KRT23: variants seen among roughly 807,000 people sequenced by gnomAD.
The protein encoded by KRT23 is keratin 23.
Under a neutral mutation model 47.6 loss-of-function variants are expected in KRT23, and 38 were observed. That is an observed-to-expected ratio of 0.80 (90% CI 0.62 to 1.05). KRT23 has a LOEUF of 1.05. Among genes scored for constraint, KRT23 ranks in the 50% least tolerant of loss-of-function variants. The probability of loss-of-function intolerance (pLI) is 0.00; values close to 1 mark genes in which losing one functional copy is unlikely to be tolerated. For missense variants in KRT23, 503 were observed against 529.5 expected (o/e 0.95, Z 0.49); for synonymous variants, 191 against 199.0 (o/e 0.96, Z 0.34).
intron 3 of KRT23, among the ~76,000 whole-genome samples, chr17:40,930,348 C>T (rs1389620359): frequency 6.6e-6 from 1 of 152,058 alleles, no homozygotes; most frequent in African/African-American, 2.4e-5. Flanking sequence ...TATTTAGCAA[C>T]CATGAATGTT....
chr17:40,929,508 G>C (rs1205400552), intron 4 of KRT23, among the ~76,000 whole-genome samples: 1 of 152,190 alleles, frequency 6.6e-6, no homozygotes, highest in Non-Finnish European at 1.5e-5. Context: ...CTAAAAGTCA[G>C]TTAAATGCTT....
At position 40,923,094 on chromosome 17, in the gene KRT23, G is replaced by C. The variant is rs1909027262; in HGVS notation, c.1175-11C>G. 3.2e-6 allele frequency: 5 copies of C among 1,581,194 alleles called. No homozygotes were observed. The highest frequency in any genetic ancestry group is 4.3e-6 in the Non-Finnish European group (5 of 1,150,132). ...TTGGAGTTGCAGACACTGAGAAAAA[G>C]AGCATGGAAGATGTCACTGCCATGC... On this transcript the variant is annotated splice_polypyrimidine_tract_variant and intron_variant, in intron 8 of 8. Coordinates refer to ENST00000209718, the MANE Select transcript of KRT23 (RefSeq NM_015515.5).
chr17:40,928,146 G>T, intron 6 of KRT23, 92 bp downstream of exon 6: 1 of 1,502,750 alleles, frequency 6.7e-7, no homozygotes, highest in South Asian at 1.2e-5. Context: ...GTTGTCCCAA[G>T]GGAGTTGAGG....
At position 40,925,590 on chromosome 17, in the gene KRT23, A is replaced by G; in HGVS notation, c.922-16T>C. On this transcript the variant is annotated splice_polypyrimidine_tract_variant and intron_variant, in intron 6 of 8. Coordinates refer to ENST00000209718, the MANE Select transcript of KRT23 (RefSeq NM_015515.5). ...AAGCAGATTTCTGAAAGAGGAAATGATCTTCTGTTAATTAACTGATGGCTT... is the reference window on the plus strand; with the variant it reads ...AAGCAGATTTCTGAAAGAGGAAATGGTCTTCTGTTAATTAACTGATGGCTT... 6.4e-7 allele frequency: 1 copy of G among 1,572,596 alleles called. No homozygotes were observed. Among genetic ancestry groups the G allele is most frequent in the Non-Finnish European group, 8.7e-7 (1 of 1,146,630 alleles).
intron 7 of KRT23, chr17:40,925,145 G>A (rs551271452): frequency 5.1e-6 from 3 of 584,092 alleles, no homozygotes; most frequent in East Asian, 5.6e-5. Flanking sequence ...TCTTCTGACT[G>A]CAAATCTTAG....
chr17:40,928,246 A>G lies in KRT23; in HGVS notation c.913T>C (p.Tyr305His). The G allele has an allele frequency of 6.2e-7, 1 of 1,614,120 alleles. No homozygotes were observed. The highest frequency in any genetic ancestry group is 8.5e-7 in the Non-Finnish European group (1 of 1,180,004). The change falls in exon 6 of 9, where the codon TAC becomes CAC. Residue 305 changes from tyrosine to histidine, a missense_variant. By Grantham distance (83) the Tyr-to-His change is moderately conservative. Transcript: ENST00000209718. Reference sequence around the variant, plus strand: ...TCCTAGCCTTGACTCACCGTGCTGTACTGTGTCTGCAGGTCAATCTCCAGG... The same window carrying G: ...TCCTAGCCTTGACTCACCGTGCTGTGCTGTGTCTGCAGGTCAATCTCCAGG... ...QALEIDLQTQ[Y>H]STKSALENML...
chr17:40,928,262 A>C lies in KRT23; in HGVS notation c.897T>G (p.Ile299Met), dbSNP rs1205855540. The part of the protein sequence containing the change: ...ELKRTFQALE[I>M]DLQTQYSTKS... ...CCGTGCTGTACTGTGTCTGCAGGTC[A>C]ATCTCCAGGGCCTGGAATGTGCGCT... Residue 299 changes from isoleucine (I) to methionine (M), a missense_variant, in exon 6 of 9, where the codon ATT becomes ATG. Coordinates refer to ENST00000209718, the MANE Select transcript of KRT23 (RefSeq NM_015515.5). 1 of 1,614,148 alleles carries C rather than the reference A, an allele frequency of 6.2e-7. No homozygotes were observed. Among genetic ancestry groups the C allele is most frequent in the Admixed American group, 1.7e-5 (1 of 60,012 alleles).
chr17:40,927,846 T>C (rs922604994), intron 6 of KRT23, among the ~76,000 whole-genome samples: 2 of 152,144 alleles, frequency 1.3e-5, no homozygotes, highest in South Asian at 4.2e-4. Flanking sequence ...TGATAGAAAT[T>C]ATGGGGGTCT....
chr17:40,931,613 T>C (rs927091636), intron 2 of KRT23, among the ~76,000 whole-genome samples, 158 bp from the exon 3 acceptor site: 3 of 152,242 alleles, frequency 2.0e-5, no homozygotes, highest in Non-Finnish European at 2.9e-5. Context: ...AATCAGTAAA[T>C]GCTTAGTGAG....
At position 40,925,723 on chromosome 17, in the gene KRT23, C is replaced by T. The variant is rs143590433; in HGVS notation, c.922-149G>A. The T allele has an allele frequency of 1.6e-4, 107 of 657,528 alleles. 1 individual carries two copies. The African/African-American group carries it at 1.7e-3, about 10-fold the overall frequency. 40.7% of individuals were successfully genotyped at this position (657,528 alleles called of 1,614,324 possible). On this transcript the variant is annotated intron_variant, in intron 6 of 8. Transcript: ENST00000209718. Reference sequence around the variant, plus strand: ...CCAAGATGAGAAGTAGGCTGACTTACAGGTTTGGGACTTGGGCAGTCAGGA... The same window carrying T: ...CCAAGATGAGAAGTAGGCTGACTTATAGGTTTGGGACTTGGGCAGTCAGGA...
At chr17:40,928,789 T>G (rs997660412) in intron 4 of KRT23, 182 bp from the exon 5 acceptor site, 11 of 548,802 alleles carry the variant, frequency 2.0e-5, no homozygotes, top group Non-Finnish European at 3.5e-5. Flanking sequence ...GTATACTTTT[T>G]TCTCTAATAA....
rs190389257 is a variant in KRT23 at position 40,927,365 on chromosome 17, G to A, written c.921+873C>T. 2.4e-3 allele frequency among the ~76,000 whole-genome samples: 367 copies of A among 152,284 alleles called. 1 individual carries two copies. Among genetic ancestry groups the A allele is most frequent in the Non-Finnish European group, 4.1e-3 (280 of 68,022 alleles). On this transcript the variant is annotated intron_variant, in intron 6 of 8. Transcript: ENST00000209718. ...ATTGTGAAATACTGTATGTTAAAAC[G>A]TTTTGAAAGTTGCACTATAATTATT...
intron 6 of KRT23, 48 bp from the exon 7 acceptor site, chr17:40,925,622 G>A: frequency 7.3e-7 from 1 of 1,372,438 alleles, no homozygotes; most frequent in Non-Finnish European, 1.0e-6. Context: ...GCTTGATTGA[G>A]TCAATAACAG....
chr17:40,928,798 A>T, intron 4 of KRT23, 191 bp from the exon 5 acceptor site: 2 of 532,558 alleles, frequency 3.8e-6, no homozygotes, highest in Non-Finnish European at 6.5e-6. Context: ...TTTCTCTAAT[A>T]ATTTTATAAA....
At chr17:40,926,147 T>C (rs1004975291) in intron 6 of KRT23, among the ~76,000 whole-genome samples, 11 of 152,128 alleles carry the variant, frequency 7.2e-5, no homozygotes, top group Non-Finnish European at 1.0e-4. Flanking sequence ...AAAAATGTCA[T>C]TTTTTGAGGA....
chr17:40,936,274 C>T lies in KRT23; in HGVS notation c.330G>A (p.Gln110=), dbSNP rs1190670675. 5 of 1,614,252 alleles carry T rather than the reference C, an allele frequency of 3.1e-6. No homozygotes were observed. Among genetic ancestry groups the T allele is most frequent in the East Asian group, 2.2e-5 (1 of 44,884 alleles). Reference sequence around the variant, plus strand: ...AATCTTTCTTACTGCCAGGATCTCTCTGCTGGTGCCATTTCAGGATGCGGC... The same window carrying T: ...AATCTTTCTTACTGCCAGGATCTCTTTGCTGGTGCCATTTCAGGATGCGGC... The part of the protein sequence containing the change: ...LESRILKWHQ[Q]RDPGSKKDYS... The change falls in exon 2 of 9, where the codon CAG becomes CAA. Residue 110 remains glutamine (Q), a synonymous_variant. Transcript: ENST00000209718.
chr17:40,923,220 C>G (rs1407434845), intron 8 of KRT23, 137 bp from the exon 9 acceptor site: 2 of 634,284 alleles, frequency 3.2e-6, no homozygotes, highest in Admixed American at 2.9e-5. Flanking sequence ...GAGGTGGGCT[C>G]TGCTGCTGGG....
At chr17:40,935,110 TG>T (rs1283366708) in intron 2 of KRT23, among the ~76,000 whole-genome samples, 1 of 102,794 alleles carries the variant, frequency 9.7e-6, no homozygotes, top group East Asian at 3.8e-4. Context: ...TGAGTCACCT[TG>T]TTTTTTTTTT....
At chr17:40,927,796 G>A (rs1269797145) in intron 6 of KRT23, among the ~76,000 whole-genome samples, 1 of 152,178 alleles carries the variant, frequency 6.6e-6, no homozygotes, top group African/African-American at 2.4e-5. Context: ...TCTACATTGG[G>A]GTTTGAGGGG....
Sources: allele counts gnomAD v4.1 joint callset (sites outside exome capture counted in the v4.1 genomes callset), GRCh38; gene constraint gnomAD v4.1.1; transcripts MANE v1.5; gene names NCBI Gene and HGNC (gene_info 2026-07-23, HGNC 2026-07-21).